The following PABPC4L variants were observed in gnomAD, a reference collection of about 807,000 sequenced individuals.
PABPC4L encodes poly(A) binding protein cytoplasmic 4 like.
For synonymous variants in PABPC4L, 169 were observed against 164.1 expected, an observed-to-expected ratio of 1.03 and a Z score of -0.23; for missense variants, 452 against 451.4, an observed-to-expected ratio of 1.00 and a Z score of -0.01.
At chr4:134,078,221 A>G in the PABPC4L span, among the ~76,000 whole-genome samples, 1 of 152,204 alleles carries the variant, frequency 6.6e-6, no homozygotes, top group Non-Finnish European at 1.5e-5. Context: ...ACCCATGTTC[A>G]TGCATTCTAC....
the PABPC4L span, among the ~76,000 whole-genome samples, chr4:134,157,021 T>C: frequency 6.6e-6 from 1 of 151,916 alleles, no homozygotes; most frequent in Admixed American, 6.6e-5. Context: ...ATTCAATTTT[T>C]TTTCTAATTT....
At chr4:133,951,623 G>A in the PABPC4L span, among the ~76,000 whole-genome samples, 1 of 152,122 alleles carries the variant, frequency 6.6e-6, no homozygotes, top group Non-Finnish European at 1.5e-5. Flanking sequence ...AACACCCCAA[G>A]GGCCACACCC....
At chr4:133,964,202 A>G in the PABPC4L span, among the ~76,000 whole-genome samples, 1 of 152,078 alleles carries the variant, frequency 6.6e-6, no homozygotes, top group Non-Finnish European at 1.5e-5. Flanking sequence ...CTTTCTGCAC[A>G]TAAACTTGAA....
chr4:134,116,899 T>G, the PABPC4L span, among the ~76,000 whole-genome samples: 1 of 151,766 alleles, frequency 6.6e-6, no homozygotes. Context: ...AATAATTAAA[T>G]GTATGCATCT....
At chr4:133,966,261 A>G in the PABPC4L span, among the ~76,000 whole-genome samples, 1 of 152,194 alleles carries the variant, frequency 6.6e-6, no homozygotes, top group Admixed American at 6.5e-5. Context: ...CCACAATGTG[A>G]TACCACATTA....
the PABPC4L span, among the ~76,000 whole-genome samples, chr4:134,179,114 A>C: frequency 6.6e-6 from 1 of 152,116 alleles, no homozygotes; most frequent in Non-Finnish European, 1.5e-5. Context: ...TTCAAAGGTC[A>C]AAATGAAAGA....
chr4:133,969,346 C>G, the PABPC4L span, among the ~76,000 whole-genome samples: 1 of 152,140 alleles, frequency 6.6e-6, no homozygotes, highest in Non-Finnish European at 1.5e-5. Context: ...AAAATAGACT[C>G]AGCCATATGA....
chr4:134,091,478 T>C, the PABPC4L span, among the ~76,000 whole-genome samples: 1 of 151,920 alleles, frequency 6.6e-6, no homozygotes, highest in South Asian at 2.1e-4. Context: ...TCTATTATCA[T>C]CTCATCTGCA....
At chr4:134,076,494 C>G in the PABPC4L span, among the ~76,000 whole-genome samples, 1 of 152,062 alleles carries the variant, frequency 6.6e-6, no homozygotes, top group Non-Finnish European at 1.5e-5. Context: ...GCGAGAGAAT[C>G]AACAATGCTT....
In PABPC4L at chr4:134,200,607, C is replaced by T. The variant is rs1289582721; in HGVS notation, c.413G>A (p.Gly138Asp). The T allele has an allele frequency of 6.4e-7, 1 of 1,551,614 alleles. No homozygotes were observed. The highest frequency in any genetic ancestry group is 1.7e-4 in the Middle Eastern group (1 of 5,992). ...GTTCTGAAAGTGCACAAATGCATAG[C>T]CCTTGGAGCCTTGATCATCACTCAT... ...KVMSDDQGSKGYAFVHFQNQS... is the reference protein window; with the variant it reads ...KVMSDDQGSKDYAFVHFQNQS... The change falls in exon 2 of 2, where the codon GGC becomes GAC. Residue 138 changes from glycine to aspartate, a missense_variant. By Grantham distance (94) the Gly-to-Asp change is moderately conservative (BLOSUM62 -1). Transcript: ENST00000421491.
chr4:134,007,735 T>TA, the PABPC4L span, among the ~76,000 whole-genome samples: 1 of 151,718 alleles, frequency 6.6e-6, no homozygotes, highest in Non-Finnish European at 1.5e-5. Flanking sequence ...ATAGCATTTT[T>TA]AAAAATATCT....
the PABPC4L span, among the ~76,000 whole-genome samples, chr4:134,180,011 A>G: frequency 2.0e-5 from 3 of 152,126 alleles, no homozygotes; most frequent in African/African-American, 7.2e-5. Flanking sequence ...TAACAAAGGT[A>G]TTTGTGACCT....
the PABPC4L span, among the ~76,000 whole-genome samples, chr4:134,166,351 T>TAA: frequency 6.6e-6 from 1 of 152,108 alleles, no homozygotes; most frequent in Admixed American, 6.6e-5. Flanking sequence ...AATAAATCAA[T>TAA]ACCATAGAAA....
chr4:134,162,193 A>G, the PABPC4L span, among the ~76,000 whole-genome samples: 2 of 152,144 alleles, frequency 1.3e-5, no homozygotes, highest in South Asian at 4.1e-4. Context: ...CAAAACAACC[A>G]GAAAAGGGAT....
At chr4:134,029,388 C>T in the PABPC4L span, among the ~76,000 whole-genome samples, 1 of 152,152 alleles carries the variant, frequency 6.6e-6, no homozygotes. Flanking sequence ...CTACTGGAAA[C>T]CCCTAAGCCT....
chr4:134,033,731 G>C, the PABPC4L span, among the ~76,000 whole-genome samples: 1 of 151,902 alleles, frequency 6.6e-6, no homozygotes, highest in Non-Finnish European at 1.5e-5. Context: ...AATTCTATAA[G>C]GGGCTTAAGA....
chr4:134,021,264 C>G, the PABPC4L span, among the ~76,000 whole-genome samples: 1 of 152,082 alleles, frequency 6.6e-6, no homozygotes, highest in African/African-American at 2.4e-5. Context: ...AATTATTAAG[C>G]TAACCATCAA....
chr4:133,973,371 GA>G, the PABPC4L span, among the ~76,000 whole-genome samples: 49 of 144,120 alleles, frequency 3.4e-4, no homozygotes, highest in East Asian at 8.3e-4. Flanking sequence ...AAGAGCATAG[GA>G]AAAAAAAAAA....
chr4:133,965,943 T>C, the PABPC4L span, among the ~76,000 whole-genome samples: 1 of 151,690 alleles, frequency 6.6e-6, no homozygotes, highest in Non-Finnish European at 1.5e-5. Flanking sequence ...CAAAAGCAAA[T>C]GCAATAAAAA....
Sources: allele counts gnomAD v4.1 joint callset (sites outside exome capture counted in the v4.1 genomes callset), GRCh38; gene constraint gnomAD v4.1.1; transcripts MANE v1.5; gene names NCBI Gene and HGNC (gene_info 2026-07-23, HGNC 2026-07-21).